The following NAALADL2 variants were observed in gnomAD, a reference collection of about 807,000 sequenced individuals.
The protein encoded by NAALADL2 is inactive N-acetylated-alpha-linked acidic dipeptidase-like protein 2.
In NAALADL2, 76 loss-of-function variants were observed where a neutral mutation model predicts 87.2. The ratio of observed to expected loss-of-function variants is 0.87; its 90% CI spans 0.72 to 1.05. The LOEUF (loss-of-function observed/expected upper bound fraction) is 1.05, where lower values mean the gene tolerates loss of function less well. Among genes scored for constraint, NAALADL2 ranks in the 50% least tolerant of loss-of-function variants. The pLI is 0.00. For synonymous variants in NAALADL2, 354 were observed against 331.0 expected (o/e 1.07, Z -0.75); for missense variants, 1,089 against 945.8 (o/e 1.15, Z -1.99).
At chr3:175,653,020 T>C (rs541140879) in intron 11 of NAALADL2, among the ~76,000 whole-genome samples, 1 of 152,060 alleles carries the variant, frequency 6.6e-6, no homozygotes, top group African/African-American at 2.4e-5. Context: ...ATTCTTACAA[T>C]AAAGCAAGCT....
chr3:175,200,383 A>G (rs1164845167), intron 2 of NAALADL2, among the ~76,000 whole-genome samples: 4 of 152,000 alleles, frequency 2.6e-5, no homozygotes, highest in Admixed American at 1.3e-4. Context: ...TCTTTAAGCA[A>G]TCCTGTTATT....
intron 1 of NAALADL2, among the ~76,000 whole-genome samples, chr3:175,068,029 C>T (rs376503195): frequency 6.6e-6 from 1 of 151,938 alleles, no homozygotes; most frequent in African/African-American, 2.4e-5. Flanking sequence ...TAGGTGGGAG[C>T]TAAACATTGC....
chr3:175,656,103 A>G (rs1332095969), intron 11 of NAALADL2, among the ~76,000 whole-genome samples: 2 of 152,174 alleles, frequency 1.3e-5, no homozygotes, highest in African/African-American at 4.8e-5. Flanking sequence ...CCAAAATGCC[A>G]AACTTAAGTC....
In NAALADL2 at chr3:175,016,278, A is replaced by ATATATATAT. The variant is rs58474829; in HGVS notation, c.44-80512_44-80511insTATATATAT. Among the ~76,000 whole-genome samples the ATATATATAT allele has an allele frequency of 6.1e-3, 886 of 144,794 alleles. 7 individuals carry two copies. The highest frequency in any genetic ancestry group is 0.022 in the African/African-American group (861 of 38,270). 95.0% of individuals were successfully genotyped at this position (144,794 alleles called of 152,430 possible). On this transcript the variant is annotated intron_variant, in intron 1 of 13. Coordinates refer to ENST00000454872, the MANE Select transcript of NAALADL2 (RefSeq NM_207015.3). ...AATTATTTATATATATATATATATA[A>ATATATATAT]AAAACAATAGCAATTTTAGTAATAA...
intron 2 of NAALADL2, among the ~76,000 whole-genome samples, chr3:174,567,934 A>G (rs1159087155): frequency 6.6e-6 from 1 of 151,790 alleles, no homozygotes; most frequent in African/African-American, 2.4e-5. Flanking sequence ...AAAGCAAAGC[A>G]TAAAATAAAA....
chr3:175,731,554 G>A (rs938353291), intron 11 of NAALADL2, among the ~76,000 whole-genome samples: 3 of 152,212 alleles, frequency 2.0e-5, no homozygotes, highest in Non-Finnish European at 4.4e-5. Flanking sequence ...GTTCTGGTGT[G>A]CCTGAGGAAG....
At chr3:175,606,608 T>C (rs6794615) in intron 10 of NAALADL2, among the ~76,000 whole-genome samples, 10,225 of 152,216 alleles carry the variant, frequency 0.067, 953 homozygotes, top group African/African-American at 0.2. Context: ...ATCTTTCTGG[T>C]AGAGCAACAG....
chr3:175,358,213 C>A (rs944766326), intron 5 of NAALADL2, among the ~76,000 whole-genome samples: 5 of 152,064 alleles, frequency 3.3e-5, no homozygotes, highest in Non-Finnish European at 7.4e-5. Flanking sequence ...GATACATACA[C>A]ATACATACAG....
At chr3:174,986,581 T>A (rs1489489570) in intron 1 of NAALADL2, among the ~76,000 whole-genome samples, 1 of 152,058 alleles carries the variant, frequency 6.6e-6, no homozygotes, top group Non-Finnish European at 1.5e-5. Context: ...TAGTTATTTG[T>A]TAATGCTAGG....
chr3:174,639,504 T>C (rs1249218417), intron 2 of NAALADL2, among the ~76,000 whole-genome samples: 1 of 152,200 alleles, frequency 6.6e-6, no homozygotes, highest in Non-Finnish European at 1.5e-5. Flanking sequence ...ATTACATCGC[T>C]GCAAAAGCTA....
intron 3 of NAALADL2, among the ~76,000 whole-genome samples, chr3:174,744,847 C>T (rs1734097783): frequency 6.6e-6 from 1 of 151,860 alleles, no homozygotes. Context: ...CTGAATGACT[C>T]CTAAGTAAAT....
intron 11 of NAALADL2, among the ~76,000 whole-genome samples, chr3:175,729,129 A>T (rs952653122): frequency 3.9e-5 from 6 of 152,142 alleles, no homozygotes; most frequent in African/African-American, 9.7e-5. Flanking sequence ...ACTAATTTTA[A>T]CTTCTTTTTT....
chr3:175,639,811 A>C (rs931388505), intron 11 of NAALADL2, among the ~76,000 whole-genome samples: 4 of 152,154 alleles, frequency 2.6e-5, no homozygotes, highest in African/African-American at 9.7e-5. Flanking sequence ...TTCCCCCACC[A>C]ACCCCAGTTT....
chr3:174,623,459 A>AAATATAC (rs1721241897), intron 2 of NAALADL2, among the ~76,000 whole-genome samples: 1 of 152,162 alleles, frequency 6.6e-6, no homozygotes, highest in East Asian at 1.9e-4. Flanking sequence ...TATGGTACTA[A>AAATATAC]ATGATAGACT....
intron 2 of NAALADL2, among the ~76,000 whole-genome samples, chr3:174,697,139 A>G (rs1459170688): frequency 6.6e-6 from 1 of 152,200 alleles, no homozygotes; most frequent in African/African-American, 2.4e-5. Context: ...CGCATAGAAA[A>G]TAAAGCATCT....
At chr3:175,239,610 T>A (rs1746486518) in intron 3 of NAALADL2, among the ~76,000 whole-genome samples, 1 of 152,240 alleles carries the variant, frequency 6.6e-6, no homozygotes, top group Non-Finnish European at 1.5e-5. Context: ...TTCATTTTTT[T>A]ATCTGAAAGA....
intron 8 of NAALADL2, among the ~76,000 whole-genome samples, chr3:175,468,098 A>C (rs898209612): frequency 1.3e-5 from 2 of 152,124 alleles, no homozygotes; most frequent in Non-Finnish European, 2.9e-5. Flanking sequence ...TTAATCACTC[A>C]AAAAAGATAA....
chr3:174,891,838 T>C (rs1730900360), intron 1 of NAALADL2, among the ~76,000 whole-genome samples: 1 of 152,082 alleles, frequency 6.6e-6, no homozygotes, highest in Admixed American at 6.6e-5. Context: ...AAGAGAGTGC[T>C]GGCATTAACC....
At chr3:175,506,710 G>A (rs1730371701) in intron 9 of NAALADL2, among the ~76,000 whole-genome samples, 1 of 152,114 alleles carries the variant, frequency 6.6e-6, no homozygotes, top group African/African-American at 2.4e-5. Context: ...TAAAGTAGGG[G>A]CTTTTTAGAT....
Sources: gnomAD v4.1 joint callset for allele counts (sites outside exome capture counted in the v4.1 genomes callset) on GRCh38, gnomAD v4.1.1 for gene constraint, MANE v1.5 for transcripts, NCBI Gene and HGNC (gene_info 2026-07-23, HGNC 2026-07-21) for gene names.